Variants in SOHLH2 observed in about 807,000 individuals in gnomAD.
The protein encoded by SOHLH2 is spermatogenesis and oogenesis specific basic helix-loop-helix 2.
Under a neutral mutation model 50.4 loss-of-function variants are expected in SOHLH2, and 22 were observed. The observed-to-expected ratio is 0.44, with a 90% CI of 0.31 to 0.62. The LOEUF (loss-of-function observed/expected upper bound fraction) is 0.62. Among genes scored for constraint, SOHLH2 ranks in the 20% least tolerant of loss-of-function variants. SOHLH2 has a pLI of 0.08. For synonymous variants in SOHLH2, 185 were observed against 187.3 expected (o/e 0.99, Z 0.10); for missense variants, 412 against 504.4 (o/e 0.82, Z 1.76).
intron 9 of SOHLH2, among the ~76,000 whole-genome samples, chr13:36,172,941 G>T (rs534405899): frequency 6.6e-6 from 1 of 152,220 alleles, no homozygotes; most frequent in African/African-American, 2.4e-5. Flanking sequence ...TTATCTTCAG[G>T]AATACTAAAA....
chr13:36,204,960 G>A (rs1868662401), intron 1 of SOHLH2, among the ~76,000 whole-genome samples: 1 of 152,110 alleles, frequency 6.6e-6, no homozygotes, highest in South Asian at 2.1e-4. Flanking sequence ...TATCGATTTT[G>A]CATGTGTCCT....
intron 6 of SOHLH2, among the ~76,000 whole-genome samples, chr13:36,180,909 A>G (rs775460472): frequency 1.3e-5 from 2 of 152,126 alleles, no homozygotes; most frequent in African/African-American, 2.4e-5. Context: ...CGGTGTTCAC[A>G]TCTTCTAGAG....
chr13:36,210,393 G>C (rs1435232216), intron 1 of SOHLH2, among the ~76,000 whole-genome samples: 1 of 151,720 alleles, frequency 6.6e-6, no homozygotes, highest in Non-Finnish European at 1.5e-5. Flanking sequence ...TTTGTTTTAG[G>C]TGTAATTGGA....
In SOHLH2 at chr13:36,170,556, G is replaced by A. The variant is rs143700833; in HGVS notation, c.1232C>T (p.Thr411Met). ...PRHCTSGLGQ[T>M]CTTHPNCLQQ... ...CAGACAGTTGGGATGTGTAGTGCAC[G>A]TCTGGCCCAACCCAGAAGTGCAGTG... is the stretch of plus-strand genomic sequence containing the variant. The change falls in exon 10 of 11, where the codon ACG becomes ATG. Residue 411 changes from threonine to methionine, a missense_variant. Thr to Met is a moderately conservative substitution (Grantham distance 81). Transcript: ENST00000379881. 9.5e-5 allele frequency: 154 copies of A among 1,614,114 alleles called. No individual in the cohort carries two copies. In the East Asian group the frequency reaches 2.6e-3, roughly 27 times the overall value.
At chr13:36,201,068 A>AAG (rs1555245676) in intron 2 of SOHLH2, among the ~76,000 whole-genome samples, 4 of 150,146 alleles carry the variant, frequency 2.7e-5, no homozygotes, top group African/African-American at 7.4e-5. Context: ...AAAAAAAAAA[A>AAG]AAAGAAAAGA....
At chr13:36,193,967 T>C (rs1887649646) in intron 2 of SOHLH2, 100 bp from the exon 3 acceptor site, 1 of 1,090,488 alleles carries the variant, frequency 9.2e-7, no homozygotes, top group Non-Finnish European at 1.3e-6. Flanking sequence ...AGTGATTTTC[T>C]TCATTTCTTT....
chr13:36,183,003 C>T (rs1431650396), intron 6 of SOHLH2: 1 of 166,674 alleles, frequency 6.0e-6, no homozygotes, highest in Non-Finnish European at 1.4e-5. Context: ...TTAGCGCCAT[C>T]CCCTTGGTGA....
chr13:36,194,604 T>C (rs1460228669), intron 2 of SOHLH2, among the ~76,000 whole-genome samples: 1 of 152,228 alleles, frequency 6.6e-6, no homozygotes, highest in Non-Finnish European at 1.5e-5. Flanking sequence ...TCTTGAAATT[T>C]TTCAAATAAA....
intron 2 of SOHLH2, among the ~76,000 whole-genome samples, chr13:36,200,828 A>C (rs1291978362): frequency 6.6e-6 from 1 of 151,966 alleles, no homozygotes; most frequent in East Asian, 1.9e-4. Flanking sequence ...AGGTGGGTGG[A>C]TCACGAGGTC....
intron 2 of SOHLH2, among the ~76,000 whole-genome samples, chr13:36,196,427 C>T (rs1284945489): frequency 6.6e-6 from 1 of 151,868 alleles, no homozygotes; most frequent in Non-Finnish European, 1.5e-5. Context: ...TGCCTAGCCT[C>T]GTATACATAT....
intron 1 of SOHLH2, among the ~76,000 whole-genome samples, chr13:36,202,801 C>T (rs1868505596): frequency 6.6e-6 from 1 of 152,150 alleles, no homozygotes; most frequent in Admixed American, 6.5e-5. Context: ...AGGCCATAGA[C>T]ATCTGTATGA....
chr13:36,191,972 A>G, intron 4 of SOHLH2, 78 bp from the exon 5 acceptor site: 3 of 1,458,602 alleles, frequency 2.1e-6, no homozygotes, highest in South Asian at 1.2e-5. Flanking sequence ...ACAAGCCCCA[A>G]TCCTTAATGC....
At chr13:36,197,817 C>T (rs1478205637) in intron 2 of SOHLH2, among the ~76,000 whole-genome samples, 2 of 152,236 alleles carry the variant, frequency 1.3e-5, no homozygotes, top group Non-Finnish European at 2.9e-5. Context: ...CTGCAACATT[C>T]ACCATGTGAC....
chr13:36,213,159 A>C (rs1480315719), intron 1 of SOHLH2, among the ~76,000 whole-genome samples: 2 of 152,080 alleles, frequency 1.3e-5, no homozygotes, highest in African/African-American at 4.8e-5. Context: ...TTTTCTCACA[A>C]AGGCACACAA....
At chr13:36,170,928 G>C (rs550805583) in intron 9 of SOHLH2, 141 bp from the exon 10 acceptor site, 1 of 1,330,146 alleles carries the variant, frequency 7.5e-7, no homozygotes, top group South Asian at 1.5e-5. Context: ...AATGCTGATG[G>C]AAAAACAAAG....
chr13:36,203,054 C>G (rs560191030), intron 1 of SOHLH2, among the ~76,000 whole-genome samples: 1 of 152,216 alleles, frequency 6.6e-6, no homozygotes, highest in Admixed American at 6.5e-5. Context: ...GCACTTCCAC[C>G]TGCTCACCTA....
intron 1 of SOHLH2, among the ~76,000 whole-genome samples, chr13:36,208,498 A>G (rs979944177): frequency 6.6e-6 from 1 of 152,168 alleles, no homozygotes. Flanking sequence ...TTCAATTAAG[A>G]TGTAGAGTTA....
At chr13:36,208,198 C>A (rs938623609) in intron 1 of SOHLH2, among the ~76,000 whole-genome samples, 1 of 152,058 alleles carries the variant, frequency 6.6e-6, no homozygotes, top group African/African-American at 2.4e-5. Flanking sequence ...CTGTTCCTGC[C>A]CTTTATTTGT....
chr13:36,211,154 A>T (rs1213901839), intron 1 of SOHLH2, among the ~76,000 whole-genome samples: 3 of 152,208 alleles, frequency 2.0e-5, no homozygotes, highest in African/African-American at 7.2e-5. Flanking sequence ...AACCTATCTA[A>T]TACGATCAGG....
Sources: gnomAD v4.1 joint callset for allele counts (sites outside exome capture counted in the v4.1 genomes callset) on GRCh38, gnomAD v4.1.1 for gene constraint, MANE v1.5 for transcripts, NCBI Gene and HGNC (gene_info 2026-07-23, HGNC 2026-07-21) for gene names.